ATXN1: variants seen among roughly 807,000 people sequenced by gnomAD.
The protein encoded by ATXN1 is ataxin-1.
In ATXN1, 8 loss-of-function variants were observed where a neutral mutation model predicts 56.4. The ratio of observed to expected loss-of-function variants is 0.14; its 90% CI spans 0.08 to 0.26. The LOEUF (loss-of-function observed/expected upper bound fraction) is 0.26. ATXN1 is among the 10% of genes least tolerant of loss of function. The pLI is 1.00. For synonymous variants in ATXN1, 514 were observed against 494.6 expected, an observed-to-expected ratio of 1.04 and a Z score of -0.52; for missense variants, 987 against 1,106.5, an observed-to-expected ratio of 0.89 and a Z score of 1.53.
chr6:16,657,644 T>G (rs1263251233), intron 3 of ATXN1, 132 bp downstream of exon 3: 5 of 152,218 alleles, frequency 3.3e-5, no homozygotes, highest in Admixed American at 2.6e-4. Context: ...AGGACAACAT[T>G]TTTTCAAATG....
chr6:16,761,088 G>A (rs1203194212), intron 1 of ATXN1: 10 of 350,586 alleles, frequency 2.9e-5, no homozygotes, highest in African/African-American at 4.5e-5. Context: ...ACACACACAC[G>A]CACACACACA....
chr6:16,307,584 G>C (rs1346617977), intron 7 of ATXN1, among the ~76,000 whole-genome samples: 1 of 150,990 alleles, frequency 6.6e-6, no homozygotes, highest in Non-Finnish European at 1.5e-5. Flanking sequence ...TGAAACACTA[G>C]AATCACTTGA....
At chr6:16,616,608 TA>T (rs1763217074) in intron 3 of ATXN1, among the ~76,000 whole-genome samples, 1 of 145,786 alleles carries the variant, frequency 6.9e-6, no homozygotes, top group Non-Finnish European at 1.5e-5. Flanking sequence ...ATACTATATA[TA>T]AAATATTTTA....
chr6:16,400,592 T>A, intron 6 of ATXN1, among the ~76,000 whole-genome samples: 1 of 152,244 alleles, frequency 6.6e-6, no homozygotes, highest in Non-Finnish European at 1.5e-5. Context: ...GAATTCCTGG[T>A]TCCTGAACCT....
intron 4 of ATXN1, among the ~76,000 whole-genome samples, chr6:16,581,182 G>A (rs1384729258): frequency 6.7e-6 from 1 of 149,852 alleles, no homozygotes; most frequent in Non-Finnish European, 1.5e-5. Context: ...AAGACCCCAT[G>A]TTCGAGAATG....
At chr6:16,317,879 C>T (rs1474420672) in intron 7 of ATXN1, among the ~76,000 whole-genome samples, 2 of 152,144 alleles carry the variant, frequency 1.3e-5, no homozygotes, top group Admixed American at 6.6e-5. Flanking sequence ...TTTGGATGGA[C>T]GAACCTAGAC....
At chr6:16,384,979 G>A (rs1581727522) in intron 6 of ATXN1, among the ~76,000 whole-genome samples, 2 of 152,238 alleles carry the variant, frequency 1.3e-5, no homozygotes, top group Non-Finnish European at 2.9e-5. Context: ...AGTTTCATGG[G>A]TGGGAAGCAC....
chr6:16,574,183 T>C (rs1762380739), intron 4 of ATXN1, among the ~76,000 whole-genome samples: 1 of 152,098 alleles, frequency 6.6e-6, no homozygotes, highest in Non-Finnish European at 1.5e-5. Flanking sequence ...CACACCACCA[T>C]GCCTAGCTAA....
chr6:16,375,508 AT>A lies in ATXN1; in HGVS notation c.-160-47039del, dbSNP rs1364670346. Among the ~76,000 whole-genome samples the A allele has an allele frequency of 1.1e-4, 17 of 152,138 alleles. 1 individual carries two copies. Among genetic ancestry groups the A allele is most frequent in the Admixed American group, 4.6e-4 (7 of 15,264 alleles). ...GATTGGGGCATTACAAAAATTCATCATTCCCCCTTCTCTCACCCTGATAATC... is the reference window on the plus strand; with the variant it reads ...GATTGGGGCATTACAAAAATTCATCATCCCCCTTCTCTCACCCTGATAATC... On this transcript the variant is annotated intron_variant, in intron 6 of 7. Transcript: ENST00000436367.
chr6:16,493,055 A>C (rs1760701074), intron 5 of ATXN1, among the ~76,000 whole-genome samples: 1 of 152,144 alleles, frequency 6.6e-6, no homozygotes, highest in South Asian at 2.1e-4. Flanking sequence ...CTCTCACAGC[A>C]GCCTGCTCAT....
At chr6:16,558,535 TTTA>T (rs1221338791) in intron 4 of ATXN1, among the ~76,000 whole-genome samples, 1 of 151,742 alleles carries the variant, frequency 6.6e-6, no homozygotes, top group African/African-American at 2.4e-5. Flanking sequence ...TGTTTGGCTA[TTTA>T]TTATTATTAT....
chr6:16,730,277 CGTCCCAAAATAAA>C (rs1360564498), intron 2 of ATXN1, among the ~76,000 whole-genome samples: 2 of 151,914 alleles, frequency 1.3e-5, no homozygotes, highest in Non-Finnish European at 2.9e-5. Flanking sequence ...AGTGAGGCTC[CGTCCCAAAATAAA>C]TAAATTAATA....
At chr6:16,601,946 T>C (rs993803109) in intron 3 of ATXN1, among the ~76,000 whole-genome samples, 2 of 152,208 alleles carry the variant, frequency 1.3e-5, no homozygotes, top group African/African-American at 4.8e-5. Context: ...GTAATCTATT[T>C]TGCAAGCAGA....
chr6:16,698,180 A>C (rs1759206920), intron 2 of ATXN1, among the ~76,000 whole-genome samples: 1 of 152,214 alleles, frequency 6.6e-6, no homozygotes, highest in African/African-American at 2.4e-5. Context: ...TACACTCATT[A>C]TTCATTTAAA....
At chr6:16,508,418 A>G (rs1016661637) in intron 5 of ATXN1, among the ~76,000 whole-genome samples, 2 of 152,214 alleles carry the variant, frequency 1.3e-5, no homozygotes, top group African/African-American at 2.4e-5. Context: ...TTAAATGCTT[A>G]TAGACAAACT....
In ATXN1 at chr6:16,753,438, G is replaced by A. The variant is rs559860398; in HGVS notation, c.-729-91C>T. ...AAATAAGTCCACCTTAAGTGTCTAT[G>A]CACCGAAATACAAATTTTAAGAACA... On this transcript the variant is annotated intron_variant, in intron 1 of 7. Transcript: ENST00000436367. 470 of 433,122 alleles carry A rather than the reference G, an allele frequency of 1.1e-3. 11 individuals carry two copies. Among genetic ancestry groups the A allele is most frequent in the South Asian group, 7.2e-3 (446 of 62,082 alleles). The allele number at this position is 433,122 out of a possible 1,614,324, so 26.8% of individuals were successfully genotyped here. A position where few individuals can be genotyped will look rare whatever the true frequency, so the allele number is the denominator to read the frequency against.
intron 4 of ATXN1, among the ~76,000 whole-genome samples, chr6:16,553,012 C>T (rs1408099307): frequency 6.6e-6 from 1 of 152,232 alleles, no homozygotes; most frequent in Non-Finnish European, 1.5e-5. Flanking sequence ...CGCACAGATA[C>T]CATGACTTTC....
intron 2 of ATXN1, chr6:16,752,992 C>T (rs781654169): frequency 6.8e-6 from 2 of 294,020 alleles, no homozygotes; most frequent in Non-Finnish European, 1.4e-5. Flanking sequence ...TATCAATCAT[C>T]GCAAAGTCAA....
At chr6:16,684,117 A>G (rs1561807225) in intron 2 of ATXN1, among the ~76,000 whole-genome samples, 1 of 152,198 alleles carries the variant, frequency 6.6e-6, no homozygotes, top group Non-Finnish European at 1.5e-5. Flanking sequence ...TTCAGGGACT[A>G]TTGTCAAACC....
Sources: allele counts gnomAD v4.1 joint callset (sites outside exome capture counted in the v4.1 genomes callset), GRCh38; gene constraint gnomAD v4.1.1; transcripts MANE v1.5; gene names NCBI Gene and HGNC (gene_info 2026-07-23, HGNC 2026-07-21).